ATP6V0E1: variants seen among roughly 807,000 people sequenced by gnomAD.
ATP6V0E1 encodes the protein ATPase H+ transporting V0 subunit e1, also known as V-type proton ATPase subunit e 1.
ATP6V0E1 carries 4 observed loss-of-function variants against 11.6 expected under a neutral mutation model. The observed-to-expected ratio is 0.35, with a 90% CI of 0.17 to 0.79. ATP6V0E1 has a LOEUF of 0.79. Among genes scored for constraint, ATP6V0E1 ranks in the 30% least tolerant of loss-of-function variants. ATP6V0E1 has a pLI of 0.54. For synonymous variants in ATP6V0E1, 36 were observed against 34.8 expected, an observed-to-expected ratio of 1.04 and a Z score of -0.13; for missense variants, 105 against 100.0, an observed-to-expected ratio of 1.05 and a Z score of -0.21.
At chr5:173,024,207 A>AG (rs1756523064) in intron 3 of ATP6V0E1, among the ~76,000 whole-genome samples, 1 of 151,696 alleles carries the variant, frequency 6.6e-6, no homozygotes, top group African/African-American at 2.4e-5. Flanking sequence ...CAAAAAAAAA[A>AG]AAAAAAAAAG....
intron 2 of ATP6V0E1, among the ~76,000 whole-genome samples, chr5:173,008,080 C>T (rs1756256620): frequency 2.6e-5 from 4 of 152,204 alleles, no homozygotes; most frequent in South Asian, 2.1e-4. Context: ...CTCCGGCCTA[C>T]GCCTGAAATG....
intron 1 of ATP6V0E1, among the ~76,000 whole-genome samples, chr5:172,987,411 G>C (rs1755913362): frequency 6.6e-6 from 1 of 151,628 alleles, no homozygotes; most frequent in African/African-American, 2.4e-5. Flanking sequence ...AGCCCCCTGA[G>C]TAGTTGGGAT....
In ATP6V0E1 at chr5:172,986,574, G is replaced by A. The variant is rs371693817; in HGVS notation, c.104+2610G>A. On this transcript the variant is annotated intron_variant, in intron 1 of 3. Transcript: ENST00000519374. Reference sequence around the variant, plus strand: ...GACCAGGAGTTCCAGGATGCAGTAAGCTATGATCACACCACTGTACTCCAG... The same window carrying A: ...GACCAGGAGTTCCAGGATGCAGTAAACTATGATCACACCACTGTACTCCAG... 17 of 318,272 alleles carry A rather than the reference G, an allele frequency of 5.3e-5. 1 individual carries two copies. In the Admixed American group the frequency reaches 7.2e-4, roughly 14 times the overall value. The allele number at this position is 318,272 out of a possible 1,614,324, so 19.7% of individuals were successfully genotyped here.
chr5:173,011,384 A>G (rs999387502), intron 2 of ATP6V0E1, among the ~76,000 whole-genome samples: 3 of 151,894 alleles, frequency 2.0e-5, no homozygotes, highest in Non-Finnish European at 2.9e-5. Flanking sequence ...GGGTCTCGCC[A>G]TGTTGCTCAG....
intron 3 of ATP6V0E1, among the ~76,000 whole-genome samples, chr5:173,030,874 G>A (rs751400622): frequency 6.6e-5 from 10 of 151,722 alleles, no homozygotes; most frequent in East Asian, 1.9e-4. Context: ...TCAGCCTCCC[G>A]TATAGCTGGG....
chr5:172,996,982 A>G (rs1306950776), intron 2 of ATP6V0E1, among the ~76,000 whole-genome samples: 1 of 151,118 alleles, frequency 6.6e-6, no homozygotes, highest in East Asian at 1.9e-4. Flanking sequence ...CAAATTAAAC[A>G]TGAAAAAACT....
At chr5:173,017,263 G>A (rs750588193) in intron 2 of ATP6V0E1, among the ~76,000 whole-genome samples, 2 of 152,202 alleles carry the variant, frequency 1.3e-5, no homozygotes, top group African/African-American at 4.8e-5. Flanking sequence ...GCTGGGCGTG[G>A]TGGCTCACCC....
intron 3 of ATP6V0E1, among the ~76,000 whole-genome samples, chr5:173,033,268 A>C (rs1177198812): frequency 1.3e-5 from 2 of 151,844 alleles, no homozygotes; most frequent in African/African-American, 4.8e-5. Flanking sequence ...TGCTGTAGAG[A>C]GTCTCGCTAT....
intron 2 of ATP6V0E1, among the ~76,000 whole-genome samples, chr5:173,008,910 C>CAAAAA (rs1164495740): frequency 2.4e-5 from 1 of 41,340 alleles, no homozygotes. Context: ...GACTCTGTCT[C>CAAAAA]AAAAAAAAAA....
At chr5:172,985,773 G>A (rs1211635869) in intron 1 of ATP6V0E1, among the ~76,000 whole-genome samples, 3 of 152,192 alleles carry the variant, frequency 2.0e-5, no homozygotes, top group Non-Finnish European at 4.4e-5. Flanking sequence ...AGAGTGTCAT[G>A]ATTCAGGTAT....
At chr5:172,985,202 G>C (rs1194081591) in intron 1 of ATP6V0E1, among the ~76,000 whole-genome samples, 1 of 145,040 alleles carries the variant, frequency 6.9e-6, no homozygotes, top group Non-Finnish European at 1.5e-5. Context: ...CCGAGATCGC[G>C]CCACTGCACT....
chr5:173,020,488 C>A (rs113119277), intron 3 of ATP6V0E1, 121 bp downstream of exon 3: 6,197 of 616,630 alleles, frequency 0.01, 179 homozygotes, highest in African/African-American at 0.072. Context: ...AATGCAAACA[C>A]GATCTGAAGA....
intron 3 of ATP6V0E1, among the ~76,000 whole-genome samples, chr5:173,027,226 G>A (rs1404969803): frequency 7.7e-6 from 1 of 129,894 alleles, no homozygotes; most frequent in Non-Finnish European, 1.6e-5. Context: ...GGTGGCTCAC[G>A]CCTGTAATCC....
chr5:173,035,278 A>T lies in ATP6V0E1; in HGVS notation c.*916A>T, dbSNP rs1561779554. Reference sequence around the variant, plus strand: ...GAACAAGGCAGCAAATGCTCCTGAGATGGAACCATCACAGCCTCAGACATA... The same window carrying T: ...GAACAAGGCAGCAAATGCTCCTGAGTTGGAACCATCACAGCCTCAGACATA... On this transcript the variant is annotated 3_prime_UTR_variant, in exon 4 of 4. Coordinates refer to ENST00000519374, the MANE Select transcript of ATP6V0E1 (RefSeq NM_003945.4). 1.3e-5 allele frequency: 2 copies of T among 152,224 alleles called. No homozygotes were observed. The highest frequency in any genetic ancestry group is 4.1e-4 in the South Asian group (2 of 4,834). 9.4% of individuals were successfully genotyped at this position (152,224 alleles called of 1,614,324 possible).
chr5:173,009,491 T>C (rs1479560533), intron 2 of ATP6V0E1, among the ~76,000 whole-genome samples: 1 of 136,572 alleles, frequency 7.3e-6, no homozygotes. Flanking sequence ...AGACAGAGTC[T>C]CGTTCTATCA....
At chr5:173,026,048 G>A (rs2113613257) in intron 3 of ATP6V0E1, among the ~76,000 whole-genome samples, 1 of 152,022 alleles carries the variant, frequency 6.6e-6, no homozygotes, top group African/African-American at 2.4e-5. Context: ...TCAGGCTAGA[G>A]TGCAGTGGTG....
intron 3 of ATP6V0E1, among the ~76,000 whole-genome samples, chr5:173,021,917 C>T (rs892541283): frequency 6.6e-6 from 1 of 152,176 alleles, no homozygotes; most frequent in African/African-American, 2.4e-5. Context: ...CGCATGTAGT[C>T]CCAGCTACTC....
intron 3 of ATP6V0E1, among the ~76,000 whole-genome samples, chr5:173,032,405 T>C (rs1456777982): frequency 6.6e-6 from 1 of 151,652 alleles, no homozygotes; most frequent in Non-Finnish European, 1.5e-5. Flanking sequence ...CTCCTTGCCT[T>C]AGCCTCCCAG....
chr5:173,025,802 A>G (rs572973126), intron 3 of ATP6V0E1, among the ~76,000 whole-genome samples: 1 of 151,948 alleles, frequency 6.6e-6, no homozygotes, highest in East Asian at 1.9e-4. Context: ...CCGGCAAAAT[A>G]CTTTCAAGAT....
Sources: allele counts gnomAD v4.1 joint callset (sites outside exome capture counted in the v4.1 genomes callset), GRCh38; gene constraint gnomAD v4.1.1; transcripts MANE v1.5; gene names NCBI Gene and HGNC (gene_info 2026-07-23, HGNC 2026-07-21).